SPTBN1: variants seen among roughly 807,000 people sequenced by gnomAD.
SPTBN1 encodes the protein spectrin beta chain, non-erythrocytic 1.
SPTBN1 carries 32 observed loss-of-function variants against 266.4 expected under a neutral mutation model. The observed-to-expected ratio is 0.12, with a 90% CI of 0.09 to 0.16. SPTBN1 has a LOEUF of 0.16. SPTBN1 is among the 10% of genes least tolerant of loss of function. The pLI is 1.00. For missense variants in SPTBN1, 2,296 were observed against 3,067.1 expected, an observed-to-expected ratio of 0.75 and a Z score of 5.94; for synonymous variants, 1,336 against 1,162.2, an observed-to-expected ratio of 1.15 and a Z score of -3.04.
At chr2:54,501,459 T>C (rs1669266587) in intron 1 of SPTBN1, among the ~76,000 whole-genome samples, 1 of 152,260 alleles carries the variant, frequency 6.6e-6, no homozygotes. Context: ...TAGGGAACAC[T>C]ACACATTATT....
At chr2:54,622,230 A>G (rs1384839191) in intron 8 of SPTBN1, 70 bp from the exon 9 acceptor site, 4 of 1,529,462 alleles carry the variant, frequency 2.6e-6, no homozygotes, top group African/African-American at 2.7e-5. Context: ...ATGCACTCGT[A>G]TAGGGTTACA....
intron 1 of SPTBN1, among the ~76,000 whole-genome samples, chr2:54,491,340 T>A (rs959467181): frequency 1.3e-5 from 2 of 152,230 alleles, no homozygotes; most frequent in Non-Finnish European, 2.9e-5. Flanking sequence ...TTTCGACCAT[T>A]CTACACTTAG....
rs929698729 is a variant in SPTBN1, at chr2:54,668,822, T to C, written c.*253T>C. ...TTAATGAAATTATATAGATTAGATC[T>C]CAGTATTTAAACTGTTCCTCAATTT... is the stretch of plus-strand genomic sequence containing the variant. On this transcript the variant is annotated 3_prime_UTR_variant, in exon 36 of 36. Coordinates refer to ENST00000356805, the MANE Select transcript of SPTBN1 (RefSeq NM_003128.3). 12 of 440,364 alleles carry C rather than the reference T, an allele frequency of 2.7e-5. No homozygotes were observed. Among genetic ancestry groups the C allele is most frequent in the Non-Finnish European group, 4.1e-5 (10 of 242,516 alleles). The allele number at this position is 440,364 out of a possible 1,614,324, so 27.3% of individuals were successfully genotyped here.
At chr2:54,633,937 T>G (rs747393823) in intron 17 of SPTBN1, among the ~76,000 whole-genome samples, 8 of 152,174 alleles carry the variant, frequency 5.3e-5, no homozygotes, top group Non-Finnish European at 1.0e-4. Context: ...GAGAATAACT[T>G]ATGTTAATTA....
At chr2:54,458,323 G>A (rs1469495634) in intron 1 of SPTBN1, among the ~76,000 whole-genome samples, 1 of 152,152 alleles carries the variant, frequency 6.6e-6, no homozygotes, top group Non-Finnish European at 1.5e-5. Context: ...GATAGTAAAT[G>A]ATTCCTTTAG....
rs190969418 is a variant in SPTBN1, at chr2:54,603,219, G to A, written c.300+3976G>A. 1.4e-3 allele frequency among the ~76,000 whole-genome samples: 219 copies of A among 152,238 alleles called. 1 individual carries two copies. The highest frequency in any genetic ancestry group is 5.0e-3 in the African/African-American group (206 of 41,514). The stretch of plus-strand genomic sequence containing the variant: ...GTCCAGGAGAAGAGCTTCACAGGCC[G>A]GGCAGCCAGAGTGTGAAAGCTCATA... On this transcript the variant is annotated intron_variant, in intron 3 of 35. Transcript: ENST00000356805.
At chr2:54,633,151 C>T (rs1678868790) in intron 17 of SPTBN1, among the ~76,000 whole-genome samples, 2 of 152,226 alleles carry the variant, frequency 1.3e-5, no homozygotes, top group African/African-American at 2.4e-5. Context: ...GCCCGTGTTC[C>T]CCTTCATCCA....
At chr2:54,662,723 A>G (rs371786785) in intron 32 of SPTBN1, 3 of 152,138 alleles carry the variant, frequency 2.0e-5, no homozygotes, top group Admixed American at 6.5e-5. Context: ...GTCCACTCAC[A>G]TTATTTTGAC....
intron 18 of SPTBN1, among the ~76,000 whole-genome samples, chr2:54,641,588 G>A (rs1427210880): frequency 6.6e-6 from 1 of 152,142 alleles, no homozygotes; most frequent in African/African-American, 2.4e-5. Context: ...GATGACAAAG[G>A]ACTTTATGAG....
chr2:54,636,463 A>C (rs1021360411), intron 17 of SPTBN1, among the ~76,000 whole-genome samples: 11 of 152,092 alleles, frequency 7.2e-5, no homozygotes, highest in African/African-American at 2.7e-4. Context: ...TTTCCCTTTG[A>C]TTCTCCAGGC....
chr2:54,558,081 G>A lies in SPTBN1; in HGVS notation c.148+31515G>A, dbSNP rs888089391. On this transcript the variant is annotated intron_variant, in intron 2 of 35. Coordinates refer to ENST00000356805, the MANE Select transcript of SPTBN1 (RefSeq NM_003128.3). This position sits in a 1 kb window ranked among gnomAD's most constrained non-coding sequence, Gnocchi z 4.6. ...CTAGCCTTTTCAAGTGATAGTAATC[G>A]GAGACTTTTCCGTTACATGAGGCTC... 2.9e-5 allele frequency: 29 copies of A among 985,272 alleles called. No homozygotes were observed. Among genetic ancestry groups the A allele is most frequent in the Non-Finnish European group, 3.3e-5 (27 of 829,914 alleles). 61.0% of individuals were successfully genotyped at this position (985,272 alleles called of 1,614,324 possible). A position where few individuals can be genotyped will look rare whatever the true frequency, so the allele number is the denominator to read the frequency against.
At chr2:54,491,603 C>CT (rs968059010) in intron 1 of SPTBN1, among the ~76,000 whole-genome samples, 139 of 148,592 alleles carry the variant, frequency 9.4e-4, no homozygotes, top group African/African-American at 2.0e-3. Context: ...ATTTCTCTCT[C>CT]TTTTTTTTTT....
chr2:54,642,724 C>G (rs1248627478), intron 18 of SPTBN1, among the ~76,000 whole-genome samples: 1 of 152,044 alleles, frequency 6.6e-6, no homozygotes, highest in African/African-American at 2.4e-5. Context: ...GAGTGCCAAA[C>G]AGTTTGAAAA....
At chr2:54,632,503 T>C in intron 16 of SPTBN1, 63 bp from the exon 17 acceptor site, 1 of 1,515,478 alleles carries the variant, frequency 6.6e-7, no homozygotes, top group Non-Finnish European at 9.2e-7. Context: ...CACGGAAATG[T>C]AGAACACAGG....
At position 54,664,734 on chromosome 2, in the gene SPTBN1, C is replaced by T. The variant is rs1399334273; in HGVS notation, c.6659+43C>T. 3 of 1,594,458 alleles carry T rather than the reference C, an allele frequency of 1.9e-6. No individual in the cohort carries two copies. In the East Asian group the frequency reaches 6.7e-5, roughly 36 times the overall value. On this transcript the variant is annotated intron_variant, in intron 33 of 35. Transcript: ENST00000356805. This position sits in a 1 kb window ranked among gnomAD's most constrained non-coding sequence, Gnocchi z 5.6. ...TGCCACAGTAAGATGGGAAGTCAGC[C>T]TGTGAAGGGATAAGGCGGGCCACTC...
intron 32 of SPTBN1, chr2:54,662,416 C>A: frequency 2.6e-6 from 2 of 771,452 alleles, no homozygotes; most frequent in Non-Finnish European, 3.1e-6. Context: ...AAAATTTTTG[C>A]TGCAGAATTA....
In SPTBN1 at chr2:54,599,077, C is replaced by A; in HGVS notation, c.149-15C>A. On this transcript the variant is annotated splice_polypyrimidine_tract_variant and intron_variant, in intron 2 of 35. Coordinates refer to ENST00000356805, the MANE Select transcript of SPTBN1 (RefSeq NM_003128.3). ...TCTGTGGTCAATGGTAAAACAAGTT[C>A]TTCTCTGCTTGCAGATGAGCGTGAA... 6.2e-7 allele frequency: 1 copy of A among 1,613,204 alleles called. No homozygotes were observed. The highest frequency in any genetic ancestry group is 1.1e-5 in the South Asian group (1 of 90,912).
At chr2:54,622,262 G>T in intron 8 of SPTBN1, 38 bp from the exon 9 acceptor site, 1 of 1,597,808 alleles carries the variant, frequency 6.3e-7, no homozygotes, top group Non-Finnish European at 8.6e-7. Context: ...CTTATGGAGT[G>T]ACATGATCTT....
chr2:54,500,031 T>C (rs1273789585), intron 1 of SPTBN1, among the ~76,000 whole-genome samples: 1 of 152,252 alleles, frequency 6.6e-6, no homozygotes, highest in East Asian at 1.9e-4. Context: ...GTTTGTAATG[T>C]TAATTGTTCA....
Sources: gnomAD v4.1 joint callset for allele counts (sites outside exome capture counted in the v4.1 genomes callset) on GRCh38, gnomAD v4.1.1 for gene constraint, Gnocchi (gnomAD v3.1) non-coding constraint, MANE v1.5 for transcripts, NCBI Gene and HGNC (gene_info 2026-07-23, HGNC 2026-07-21) for gene names.